The following ABR variants were observed in gnomAD, a reference collection of about 807,000 sequenced individuals.
The protein encoded by ABR is ABR activator of RhoGEF and GTPase.
In ABR, 35 loss-of-function variants were observed where a neutral mutation model predicts 107.2. The ratio of observed to expected loss-of-function variants is 0.33; its 90% CI spans 0.25 to 0.43. The LOEUF (loss-of-function observed/expected upper bound fraction) is 0.43. ABR is among the 20% of genes least tolerant of loss of function. The probability of loss-of-function intolerance (pLI) is 1.00; values close to 1 mark genes in which losing one functional copy is unlikely to be tolerated. For synonymous variants in ABR, 498 were observed against 462.0 expected (o/e 1.08, Z -1.00); for missense variants, 815 against 1,115.2 (o/e 0.73, Z 3.83).
At chr17:1,191,174 G>A (rs555507675), upstream of ABR, among the ~76,000 whole-genome samples, 2 of 152,138 alleles carry the variant, frequency 1.3e-5, no homozygotes, top group South Asian at 4.2e-4. Flanking sequence ...AACAACCAAT[G>A]TCAAATCAAG....
chr17:1,142,148 C>A (rs1177555513), intron 1 of ABR, among the ~76,000 whole-genome samples: 1 of 152,112 alleles, frequency 6.6e-6, no homozygotes, highest in African/African-American at 2.4e-5. Context: ...GCTCCTACCC[C>A]AGGGATTGCT....
intron 10 of ABR, among the ~76,000 whole-genome samples, chr17:1,066,145 C>G (rs1040087730): frequency 1.3e-5 from 2 of 152,178 alleles, no homozygotes; most frequent in African/African-American, 2.4e-5. Context: ...TCCCAAAGTT[C>G]TGGGATTAAA....
chr17:1,108,971 C>T, intron 2 of ABR: 1 of 1,597,610 alleles, frequency 6.3e-7, no homozygotes, highest in Non-Finnish European at 8.5e-7. Flanking sequence ...TGAGCCGGGG[C>T]TGGTCGGGGT....
intron 2 of ABR, among the ~76,000 whole-genome samples, chr17:1,107,679 G>C (rs1288211306): frequency 6.6e-6 from 1 of 152,184 alleles, no homozygotes; most frequent in African/African-American, 2.4e-5. Context: ...TGTTCCTAGT[G>C]GGGAGGCTGG....
At chr17:1,124,112 CTA>C (rs2039479374) in intron 2 of ABR, among the ~76,000 whole-genome samples, 1 of 152,090 alleles carries the variant, frequency 6.6e-6, no homozygotes, top group South Asian at 2.1e-4. Context: ...TTGCCAAAGG[CTA>C]TAACAGCCAC....
At chr17:1,156,102 T>C in intron 1 of ABR, 1 of 152,178 alleles carries the variant, frequency 6.6e-6, no homozygotes. Context: ...ACTGTGATCC[T>C]CAATGGGGGT....
At position 1,040,889 on chromosome 17, in the gene ABR, G is replaced by A. The variant is rs553903963; in HGVS notation, c.1791+9161C>T. On this transcript the variant is annotated intron_variant, in intron 16 of 22. Coordinates refer to ENST00000302538, the MANE Select transcript of ABR (RefSeq NM_021962.5). Reference sequence around the variant, plus strand: ...AAGATCTGTCTGGCCTCAAAACCCCGGCAACACTGGCTAACGATCCAAGTT... The same window carrying A: ...AAGATCTGTCTGGCCTCAAAACCCCAGCAACACTGGCTAACGATCCAAGTT... Among the ~76,000 whole-genome samples, 5 of 152,298 alleles carry A rather than the reference G, an allele frequency of 3.3e-5. No homozygotes were observed. In the East Asian group the frequency reaches 7.7e-4, roughly 24 times the overall value.
intron 2 of ABR, among the ~76,000 whole-genome samples, chr17:1,120,569 G>A (rs748827321): frequency 1.6e-4 from 25 of 152,164 alleles, no homozygotes; most frequent in African/African-American, 3.4e-4. Context: ...GTGAGCCACC[G>A]CACCCGGCCA....
intron 4 of ABR, among the ~76,000 whole-genome samples, chr17:1,087,529 CG>C (rs2036683881): frequency 1.6e-5 from 2 of 127,446 alleles, no homozygotes; most frequent in African/African-American, 6.1e-5. Context: ...GGGGCAGGGC[CG>C]GACTTTTAAA....
intron 2 of ABR, among the ~76,000 whole-genome samples, chr17:1,113,276 C>CGG (rs1406175093): frequency 2.5e-5 from 2 of 80,692 alleles, no homozygotes; most frequent in African/African-American, 4.5e-5. Flanking sequence ...ACACCTATTG[C>CGG]GATTTTTTTT....
chr17:1,219,752 CA>C (rs959223197), intron 1 of ABR, among the ~76,000 whole-genome samples: 15 of 130,206 alleles, frequency 1.2e-4, no homozygotes, highest in African/African-American at 4.3e-4. Flanking sequence ...CTCCATGCCC[CA>C]AAAAAATAAA....
intron 1 of ABR, among the ~76,000 whole-genome samples, chr17:1,175,536 G>A (rs2041889715): frequency 6.6e-6 from 1 of 152,164 alleles, no homozygotes; most frequent in Admixed American, 6.5e-5. Flanking sequence ...CACAAGAACT[G>A]GGGGATGTCT....
intron 4 of ABR, among the ~76,000 whole-genome samples, chr17:1,086,652 C>T (rs1157937257): frequency 6.6e-6 from 1 of 152,178 alleles, no homozygotes; most frequent in South Asian, 2.1e-4. Flanking sequence ...AGGCACGCAC[C>T]ACCACACCCG....
intron 1 of ABR, among the ~76,000 whole-genome samples, chr17:1,192,559 C>T (rs1024327830): frequency 1.3e-5 from 2 of 151,698 alleles, no homozygotes; most frequent in African/African-American, 2.4e-5. Flanking sequence ...GGCGGATCAC[C>T]TGAGGCCACG....
intron 1 of ABR, chr17:1,228,300 T>G (rs1391858456): frequency 2.0e-5 from 3 of 152,400 alleles, no homozygotes; most frequent in Admixed American, 2.0e-4. Flanking sequence ...CAGAGCAGCC[T>G]GGAGAAGAGG....
chr17:1,163,491 C>T (rs376647393), intron 1 of ABR, among the ~76,000 whole-genome samples: 5 of 151,412 alleles, frequency 3.3e-5, no homozygotes, highest in East Asian at 3.9e-4. Flanking sequence ...GACGCAGGGG[C>T]CCCAGATAAA....
At chr17:1,019,747 G>A (rs1213421269) in intron 16 of ABR, among the ~76,000 whole-genome samples, 1 of 152,282 alleles carries the variant, frequency 6.6e-6, no homozygotes, top group Non-Finnish European at 1.5e-5. Context: ...GATGAGATTA[G>A]CACCGGGGTG....
intron 3 of ABR, among the ~76,000 whole-genome samples, chr17:1,093,338 G>A (rs1420611465): frequency 6.6e-6 from 1 of 152,006 alleles, no homozygotes; most frequent in Non-Finnish European, 1.5e-5. Flanking sequence ...GCGTGGTGGT[G>A]CACACCTGTA....
Position 1,179,730 on chromosome 17 carries a change from C to A in ABR, c.-3G>T. The A allele has an allele frequency of 6.7e-7, 1 of 1,496,566 alleles. No homozygotes were observed. Among genetic ancestry groups the A allele is most frequent in the East Asian group, 2.7e-5 (1 of 36,950 alleles). The allele number at this position is 1,496,566 out of a possible 1,614,324, so 92.7% of individuals were successfully genotyped here. On this transcript the variant is annotated 5_prime_UTR_variant, in exon 1 of 23. Coordinates refer to ENST00000302538, the MANE Select transcript of ABR (RefSeq NM_021962.5). The surrounding 1 kb of genome is among the most constrained non-coding windows in gnomAD (Gnocchi z 4.9). ...CCCCGGTGGCTGAGCGGCTCCATCC[C>A]GCGGCGGCGGCTCGGTCAGATCCGA...
Sources: gnomAD v4.1 joint callset for allele counts (sites outside exome capture counted in the v4.1 genomes callset) on GRCh38, gnomAD v4.1.1 for gene constraint, Gnocchi (gnomAD v3.1) non-coding constraint, MANE v1.5 for transcripts, NCBI Gene and HGNC (gene_info 2026-07-23, HGNC 2026-07-21) for gene names.